RTN1: variants seen among roughly 807,000 people sequenced by gnomAD.
RTN1 encodes the protein reticulon 1.
RTN1 carries 25 observed loss-of-function variants against 65.5 expected under a neutral mutation model. The observed-to-expected ratio is 0.38, with a 90% CI of 0.28 to 0.53. The LOEUF (loss-of-function observed/expected upper bound fraction) is 0.53, where lower values mean the gene tolerates loss of function less well. Ranked by LOEUF, RTN1 falls within the 20% of genes least tolerant of loss-of-function variation. The pLI is 0.79. For missense variants in RTN1, 983 were observed against 1,025.4 expected (o/e 0.96, Z 0.57); for synonymous variants, 471 against 447.6 (o/e 1.05, Z -0.66).
At chr14:59,687,406 T>G (rs1443687283) in intron 3 of RTN1, among the ~76,000 whole-genome samples, 1 of 151,748 alleles carries the variant, frequency 6.6e-6, no homozygotes, top group Non-Finnish European at 1.5e-5. Flanking sequence ...ATCCTTCCTG[T>G]GCATAGATCA....
chr14:59,797,815 T>G (rs902670969), intron 1 of RTN1, among the ~76,000 whole-genome samples: 19 of 152,220 alleles, frequency 1.2e-4, no homozygotes, highest in African/African-American at 4.6e-4. Context: ...TATTGAGGAA[T>G]AGTGTTTATA....
At chr14:59,749,121 T>TAG (rs1259711155) in intron 1 of RTN1, among the ~76,000 whole-genome samples, 3 of 49,698 alleles carry the variant, frequency 6.0e-5, no homozygotes, top group South Asian at 1.2e-3. Context: ...TATATATATA[T>TAG]ATAGATATAT....
At chr14:59,745,256 G>A (rs1875240082) in intron 2 of RTN1, among the ~76,000 whole-genome samples, 1 of 152,132 alleles carries the variant, frequency 6.6e-6, no homozygotes, top group Non-Finnish European at 1.5e-5. Flanking sequence ...TTTCAGAACT[G>A]TTAAGAAATA....
intron 3 of RTN1, among the ~76,000 whole-genome samples, chr14:59,631,994 T>A (rs558355029): frequency 6.6e-6 from 1 of 152,208 alleles, no homozygotes; most frequent in African/African-American, 2.4e-5. Context: ...AGCATGGGCC[T>A]AAGGACAGTA....
At chr14:59,776,899 G>A (rs1247952443) in intron 1 of RTN1, among the ~76,000 whole-genome samples, 1 of 152,148 alleles carries the variant, frequency 6.6e-6, no homozygotes, top group Non-Finnish European at 1.5e-5. Flanking sequence ...AGAACTCAGA[G>A]GGACATGAGT....
chr14:59,718,474 G>T (rs1021944005), intron 3 of RTN1, among the ~76,000 whole-genome samples: 1 of 152,186 alleles, frequency 6.6e-6, no homozygotes, highest in Non-Finnish European at 1.5e-5. Context: ...CCCTAGGCAA[G>T]CATGTATCTA....
chr14:59,861,433 C>G (rs1214238998), intron 1 of RTN1, among the ~76,000 whole-genome samples: 1 of 152,172 alleles, frequency 6.6e-6, no homozygotes, highest in Non-Finnish European at 1.5e-5. Context: ...ATTGCCCAGT[C>G]TCGGGTATCT....
At chr14:59,597,469 G>A (rs1049170783) in intron 8 of RTN1, among the ~76,000 whole-genome samples, 2 of 152,218 alleles carry the variant, frequency 1.3e-5, no homozygotes, top group African/African-American at 4.8e-5. Context: ...GAAGTGTTTT[G>A]TTAATTTGAA....
intron 1 of RTN1, among the ~76,000 whole-genome samples, chr14:59,754,869 T>C (rs1205084194): frequency 6.6e-6 from 1 of 152,004 alleles, no homozygotes; most frequent in Non-Finnish European, 1.5e-5. Flanking sequence ...GTCCCCAGAG[T>C]CCAAGGCCAT....
At position 59,610,376 on chromosome 14, in the gene RTN1, T is replaced by C; in HGVS notation, c.1766-2884A>G. 3 of 551,198 alleles carry C rather than the reference T, an allele frequency of 5.4e-6. No individual in the cohort carries two copies. In the South Asian group the frequency reaches 7.6e-5, roughly 14 times the overall value. The allele number at this position is 551,198 out of a possible 1,614,324, so 34.1% of individuals were successfully genotyped here. ...ACTGTTATCTTAAAACAACAGGCTG[T>C]TGGTTCTGGACACTTTGCAACAATA... On this transcript the variant is annotated intron_variant, in intron 3 of 8. Coordinates refer to ENST00000267484, the MANE Select transcript of RTN1 (RefSeq NM_021136.3).
chr14:59,808,655 T>C lies in RTN1; in HGVS notation c.241+61735A>G, dbSNP rs182094912. 4.6e-5 allele frequency among the ~76,000 whole-genome samples: 7 copies of C among 152,266 alleles called. No homozygotes were observed. The East Asian group carries it at 1.4e-3, about 29-fold the overall frequency. On this transcript the variant is annotated intron_variant, in intron 1 of 8. Coordinates refer to ENST00000267484, the MANE Select transcript of RTN1 (RefSeq NM_021136.3). ...TCCCCACCCAAGTCTCATGTCAAATTGTAATCCTTAATGTTGGCAGTGGGG... is the reference window on the plus strand; with the variant it reads ...TCCCCACCCAAGTCTCATGTCAAATCGTAATCCTTAATGTTGGCAGTGGGG...
At chr14:59,815,564 C>G (rs1886805340) in intron 1 of RTN1, among the ~76,000 whole-genome samples, 1 of 152,196 alleles carries the variant, frequency 6.6e-6, no homozygotes, top group Non-Finnish European at 1.5e-5. Flanking sequence ...CTTTCTCAGT[C>G]TGACCGAAAG....
intron 2 of RTN1, among the ~76,000 whole-genome samples, chr14:59,728,249 C>CTTTTTTTTTTTTTTTTTTT (rs200434592): frequency 6.4e-5 from 8 of 124,198 alleles, no homozygotes; most frequent in East Asian, 2.5e-4. Context: ...GAATCAGTAT[C>CTTTTTTTTTTTTTTTTTTT]TTTTTTTTTT....
rs570924427 is a variant in RTN1, at chr14:59,706,247, A to C, written c.1765+20672T>G. Among the ~76,000 whole-genome samples the C allele has an allele frequency of 3.9e-5, 6 of 152,292 alleles. No homozygotes were observed. In the South Asian group the frequency reaches 1.2e-3, roughly 32 times the overall value. On this transcript the variant is annotated intron_variant, in intron 3 of 8. Transcript: ENST00000267484. The stretch of plus-strand genomic sequence containing the variant: ...TGTCATCACCTCTCCCAGAGGCCAG[A>C]AGAACCGTGTCCCAGGCTATTGTCT...
chr14:59,750,354 T>TATATATA (rs1885460942), intron 1 of RTN1, among the ~76,000 whole-genome samples: 1 of 12,684 alleles, frequency 7.9e-5, no homozygotes, highest in African/African-American at 4.6e-4. Flanking sequence ...TAATATATAT[T>TATATATA]ATATCTATAT....
In RTN1 at chr14:59,727,357, AGGGCGGCGG is replaced by A; in HGVS notation, c.1318_1326del (p.Pro440_Pro442del). 6.6e-7 allele frequency: 1 copy of A among 1,509,648 alleles called. No individual in the cohort carries two copies. The allele number at this position is 1,509,648 out of a possible 1,614,324, so 93.5% of individuals were successfully genotyped here. A position where few individuals can be genotyped will look rare whatever the true frequency, so the allele number is the denominator to read the frequency against. On this transcript the variant is annotated inframe_deletion, in exon 3 of 9. Transcript: ENST00000267484. This position sits in a 1 kb window ranked among gnomAD's most constrained non-coding sequence, Gnocchi z 4.2. Reference sequence around the variant, plus strand: ...TACTGGATGGATGGCGAGGCGGGCGAGGGCGGCGGGCCGCCCACGTGGCCAAAGCTCACA... The same window carrying A: ...TACTGGATGGATGGCGAGGCGGGCGAGCCGCCCACGTGGCCAAAGCTCACA...
intron 1 of RTN1, among the ~76,000 whole-genome samples, chr14:59,749,830 T>A (rs1371917280): frequency 8.7e-6 from 1 of 115,464 alleles, no homozygotes; most frequent in East Asian, 2.2e-4. Flanking sequence ...TTTATATATA[T>A]CTATATGTAT....
intron 1 of RTN1, among the ~76,000 whole-genome samples, chr14:59,798,009 C>A (rs553189024): frequency 6.6e-6 from 1 of 152,226 alleles, no homozygotes; most frequent in African/African-American, 2.4e-5. Flanking sequence ...GATATAGATT[C>A]ATAAAAAATT....
In RTN1 at chr14:59,829,389, T is replaced by C. The variant is rs182868689; in HGVS notation, c.241+41001A>G. Among the ~76,000 whole-genome samples, 375 of 152,252 alleles carry C rather than the reference T, an allele frequency of 2.5e-3. No homozygotes were observed. In the Middle Eastern group the frequency reaches 0.027, roughly 11 times the overall value. ...AGGTATGCATTAAAAAACACCTCTA[T>C]TAGTCAAAATAGAATAGTTAATGCT... On this transcript the variant is annotated intron_variant, in intron 1 of 8. Coordinates refer to ENST00000267484, the MANE Select transcript of RTN1 (RefSeq NM_021136.3). This position sits in a 1 kb window ranked among gnomAD's most constrained non-coding sequence, Gnocchi z 4.3.
Sources: allele counts gnomAD v4.1 joint callset (sites outside exome capture counted in the v4.1 genomes callset), GRCh38; gene constraint gnomAD v4.1.1; non-coding constraint Gnocchi (gnomAD v3.1); transcripts MANE v1.5; gene names NCBI Gene and HGNC (gene_info 2026-07-23, HGNC 2026-07-21).